Variants in MAD2L1BP observed in about 807,000 individuals in gnomAD.
MAD2L1BP encodes MAD2L1 binding protein.
MAD2L1BP carries 22 observed loss-of-function variants against 28.4 expected under a neutral mutation model. That is an observed-to-expected ratio of 0.77 (90% confidence interval 0.55 to 1.10). The LOEUF is 1.10. Ranked by LOEUF, MAD2L1BP falls within the 50% of genes least tolerant of loss-of-function variation. The pLI, the probability that MAD2L1BP is intolerant of heterozygous loss-of-function variation, is 0.00. For synonymous variants in MAD2L1BP, 146 were observed against 133.7 expected, an observed-to-expected ratio of 1.09 and a Z score of -0.63; for missense variants, 325 against 350.5, an observed-to-expected ratio of 0.93 and a Z score of 0.58.
chr6:43,637,255 G>A (rs916356436), intron 2 of MAD2L1BP, among the ~76,000 whole-genome samples: 1 of 151,388 alleles, frequency 6.6e-6, no homozygotes, highest in African/African-American at 2.4e-5. Flanking sequence ...GGTAGAGACG[G>A]GGTTTCACCA....
intron 2 of MAD2L1BP, among the ~76,000 whole-genome samples, chr6:43,639,484 C>T (rs1770449926): frequency 6.6e-6 from 1 of 152,234 alleles, no homozygotes; most frequent in African/African-American, 2.4e-5. Flanking sequence ...TTGCATTTGG[C>T]TAGTGTTGTG....
chr6:43,638,189 C>T (rs532220255), intron 2 of MAD2L1BP, among the ~76,000 whole-genome samples: 33 of 151,904 alleles, frequency 2.2e-4, no homozygotes, highest in African/African-American at 8.0e-4. Context: ...TGAGCCACTG[C>T]TCCTGGCCCA....
chr6:43,638,583 T>G (rs922655596), intron 2 of MAD2L1BP, among the ~76,000 whole-genome samples: 8 of 150,934 alleles, frequency 5.3e-5, no homozygotes, highest in Non-Finnish European at 1.5e-5. Flanking sequence ...AATCACGAGG[T>G]CAGGAGATTG....
At position 43,640,237 on chromosome 6, in the gene MAD2L1BP, G is replaced by T. The variant is rs1358118535; in HGVS notation, c.529G>T (p.Val177Leu). The T allele has an allele frequency of 1.2e-6, 2 of 1,613,848 alleles. No individual in the cohort carries two copies. The change falls in exon 3 of 3, where the codon GTG becomes TTG. Residue 177 changes from valine to leucine, a missense_variant. Coordinates refer to ENST00000372171, the MANE Select transcript of MAD2L1BP (RefSeq NM_014628.3). The part of the protein sequence containing the change: ...LDLSLLAPYS[V>L]DQSLSTAACL... ...CTTGTCTCTGCTGGCCCCCTACAGC[G>T]TGGACCAGAGCCTGAGCACAGCAGC...
chr6:43,629,807 G>A, intron 1 of MAD2L1BP: 1 of 1,557,492 alleles, frequency 6.4e-7, no homozygotes, highest in South Asian at 1.2e-5. Flanking sequence ...GGCGGATGGT[G>A]ATTAGCCAAA....
In MAD2L1BP at chr6:43,636,575, A is replaced by G. The variant is rs1296500648; in HGVS notation, c.241A>G (p.Met81Val). The G allele has an allele frequency of 1.2e-6, 2 of 1,614,166 alleles. No homozygotes were observed. Among genetic ancestry groups the G allele is most frequent in the Non-Finnish European group, 1.7e-6 (2 of 1,180,024 alleles). ...TACTTGTGAACTTCTAAAGCATATCATGTATCAACGCCAGCAGCTCCCTCT... is the reference window on the plus strand; with the variant it reads ...TACTTGTGAACTTCTAAAGCATATCGTGTATCAACGCCAGCAGCTCCCTCT... ...QFTCELLKHI[M>V]YQRQQLPLPY... The change falls in exon 2 of 3, where the codon ATG becomes GTG. Residue 81 changes from methionine to valine, a missense_variant. By Grantham distance (21) the Met-to-Val change is conservative. Coordinates refer to ENST00000372171, the MANE Select transcript of MAD2L1BP (RefSeq NM_014628.3).
upstream of MAD2L1BP, among the ~76,000 whole-genome samples, chr6:43,634,547 C>T (rs1285343453): frequency 6.6e-6 from 1 of 151,888 alleles, no homozygotes; most frequent in Non-Finnish European, 1.5e-5. Context: ...TCTTGTCAGT[C>T]TCTTTCTTTT....
At position 43,640,560 on chromosome 6, in the gene MAD2L1BP, C is replaced by T. The variant is rs1016104135; in HGVS notation, c.*27C>T. 1 of 1,531,700 alleles carries T rather than the reference C, an allele frequency of 6.5e-7. No homozygotes were observed. Among genetic ancestry groups the T allele is most frequent in the African/African-American group, 1.4e-5 (1 of 72,300 alleles). 94.9% of individuals were successfully genotyped at this position (1,531,700 alleles called of 1,614,324 possible). A position where few individuals can be genotyped will look rare whatever the true frequency, so the allele number is the denominator to read the frequency against. On this transcript the variant is annotated 3_prime_UTR_variant, in exon 3 of 3. Coordinates refer to ENST00000372171, the MANE Select transcript of MAD2L1BP (RefSeq NM_014628.3). The stretch of plus-strand genomic sequence containing the variant: ...TGAGTGCTTCTTAATCCTAAAAACA[C>T]AATGGCTGAATTATCTTTCTCCATG...
At chr6:43,636,081 G>T (rs974004648) in intron 1 of MAD2L1BP, among the ~76,000 whole-genome samples, 160 bp downstream of exon 1, 2 of 152,172 alleles carry the variant, frequency 1.3e-5, no homozygotes, top group Non-Finnish European at 2.9e-5. Flanking sequence ...GCCCTGGGTC[G>T]CACTGGACCC....
chr6:43,635,579 G>A (rs1218534849), upstream of MAD2L1BP, among the ~76,000 whole-genome samples: 8 of 152,278 alleles, frequency 5.3e-5, no homozygotes, highest in Admixed American at 3.9e-4. Flanking sequence ...TAGGTGCACA[G>A]TGAGTAGTGA....
At chr6:43,633,653 G>A (rs965174466), upstream of MAD2L1BP, among the ~76,000 whole-genome samples, 2 of 151,174 alleles carry the variant, frequency 1.3e-5, no homozygotes, top group African/African-American at 4.9e-5. Context: ...CACTCCCCTT[G>A]CCTTGAATTC....
upstream of MAD2L1BP, among the ~76,000 whole-genome samples, chr6:43,634,271 G>T (rs7750364): frequency 0.12 from 16,816 of 140,318 alleles, 2,261 homozygotes; most frequent in African/African-American, 0.35. Flanking sequence ...CCAGGCTGAA[G>T]TGCAGTGGCA....
chr6:43,629,673 G>T (rs747752102), exon 1 of MAD2L1BP: 2 of 1,473,960 alleles, frequency 1.4e-6, no homozygotes, highest in South Asian at 1.2e-5. Context: ...ACAGGTTTTG[G>T]ACCTCGAGAG....
intron 2 of MAD2L1BP, among the ~76,000 whole-genome samples, chr6:43,637,573 G>A (rs182703338): frequency 5.3e-5 from 8 of 151,820 alleles, no homozygotes; most frequent in South Asian, 2.1e-4. Flanking sequence ...TTACAGGCAT[G>A]CACCACCACA....
At position 43,636,445 on chromosome 6, in the gene MAD2L1BP, C is replaced by T. The variant is rs780302263; in HGVS notation, c.111C>T (p.Ser37=). ...HASQIELLET[S]STQEPLNASE... Reference sequence around the variant, plus strand: ...CCCAGATAGAACTACTTGAGACAAGCTCTACGCAGGAACCTCTCAACGCTT... The same window carrying T: ...CCCAGATAGAACTACTTGAGACAAGTTCTACGCAGGAACCTCTCAACGCTT... Residue 37 remains serine (S), a synonymous_variant, in exon 2 of 3, where the codon AGC becomes AGT. Coordinates refer to ENST00000372171, the MANE Select transcript of MAD2L1BP (RefSeq NM_014628.3). 1 of 1,614,202 alleles carries T rather than the reference C, an allele frequency of 6.2e-7. No homozygotes were observed. Among genetic ancestry groups the T allele is most frequent in the Non-Finnish European group, 8.5e-7 (1 of 1,180,020 alleles).
rs925486256 is a variant in MAD2L1BP, at chr6:43,640,765, C to A, written c.*232C>A. 19 of 512,754 alleles carry A rather than the reference C, an allele frequency of 3.7e-5. No homozygotes were observed. Among genetic ancestry groups the A allele is most frequent in the Non-Finnish European group, 6.4e-5 (19 of 295,330 alleles). The allele number at this position is 512,754 out of a possible 1,614,324, so 31.8% of individuals were successfully genotyped here. ...TCTTTGAATCAAAGGTTGATTTTCCCAGAGGGTGCTGGGTCAGGCATTTCT... is the reference window on the plus strand; with the variant it reads ...TCTTTGAATCAAAGGTTGATTTTCCAAGAGGGTGCTGGGTCAGGCATTTCT... On this transcript the variant is annotated 3_prime_UTR_variant, in exon 3 of 3. Transcript: ENST00000372171.
upstream of MAD2L1BP, among the ~76,000 whole-genome samples, chr6:43,633,608 G>A (rs561786286): frequency 1.3e-4 from 20 of 152,148 alleles, no homozygotes; most frequent in African/African-American, 4.3e-4. Flanking sequence ...GTCTCATTAT[G>A]TTGCCCAGAC....
upstream of MAD2L1BP, among the ~76,000 whole-genome samples, chr6:43,632,640 G>A (rs1769988081): frequency 2.0e-5 from 3 of 148,564 alleles, no homozygotes; most frequent in South Asian, 6.4e-4. Flanking sequence ...CCTTTTCTTG[G>A]CCTCCATGAC....
rs200418742 is a variant in MAD2L1BP, at chr6:43,636,695, T to A, written c.312+49T>A. On this transcript the variant is annotated intron_variant, in intron 2 of 2. Coordinates refer to ENST00000372171, the MANE Select transcript of MAD2L1BP (RefSeq NM_014628.3). ...GTTGGTGGGAAGACTTTGTGGCTCT[T>A]AGATGGGAGGCAGGTAGAAAGGGGG... 2.5e-6 allele frequency: 4 copies of A among 1,588,624 alleles called. No homozygotes were observed. The Admixed American group carries it at 7.0e-5, about 28-fold the overall frequency.
Sources: gnomAD v4.1 joint callset for allele counts (sites outside exome capture counted in the v4.1 genomes callset) on GRCh38, gnomAD v4.1.1 for gene constraint, MANE v1.5 for transcripts, NCBI Gene and HGNC (gene_info 2026-07-23, HGNC 2026-07-21) for gene names.